Variants in LDB2 observed in about 807,000 individuals in gnomAD.
The protein encoded by LDB2 is LIM domain binding 2.
In LDB2, 12 loss-of-function variants were observed where a neutral mutation model predicts 44.3. The observed-to-expected ratio is 0.27, with a 90% confidence interval of 0.17 to 0.44. LDB2 has a LOEUF of 0.44. Ranked by LOEUF, LDB2 falls within the 20% of genes least tolerant of loss-of-function variation. The pLI is 1.00. For missense variants in LDB2, 344 were observed against 473.5 expected, an observed-to-expected ratio of 0.73 and a Z score of 2.54; for synonymous variants, 164 against 174.8, an observed-to-expected ratio of 0.94 and a Z score of 0.49.
chr4:16,856,283 A>C (rs1789333297), intron 1 of LDB2, among the ~76,000 whole-genome samples: 1 of 152,194 alleles, frequency 6.6e-6, no homozygotes, highest in Non-Finnish European at 1.5e-5. Flanking sequence ...GGTCAGGGAA[A>C]TGGAAGTTAA....
chr4:16,576,561 C>A (rs1239777573), intron 5 of LDB2, among the ~76,000 whole-genome samples: 8 of 152,084 alleles, frequency 5.3e-5, no homozygotes, highest in Non-Finnish European at 8.8e-5. Context: ...AACACCTCAA[C>A]AATGAGTAAC....
intron 1 of LDB2, among the ~76,000 whole-genome samples, chr4:16,796,809 TCCCCAAAACCCATCAC>T (rs1776829595): frequency 6.6e-6 from 1 of 152,092 alleles, no homozygotes; most frequent in Non-Finnish European, 1.5e-5. Context: ...GTAGTCTTTG[TCCCCAAAACCCATCAC>T]CCCTGTCTAA....
At chr4:16,722,703 A>G (rs1758546733) in intron 2 of LDB2, among the ~76,000 whole-genome samples, 1 of 152,086 alleles carries the variant, frequency 6.6e-6, no homozygotes, top group Non-Finnish European at 1.5e-5. Context: ...CTACGTCAGG[A>G]CCATGGTTTG....
At chr4:16,732,462 T>C (rs951166088) in intron 2 of LDB2, among the ~76,000 whole-genome samples, 1 of 152,214 alleles carries the variant, frequency 6.6e-6, no homozygotes, top group South Asian at 2.1e-4. Context: ...AATGTATGAT[T>C]ATTAACTTAT....
chr4:16,569,831 C>A (rs930013707), intron 5 of LDB2, among the ~76,000 whole-genome samples: 1 of 152,180 alleles, frequency 6.6e-6, no homozygotes, highest in Admixed American at 6.5e-5. Flanking sequence ...CCATGTTTAG[C>A]TGTCTTATTT....
At chr4:16,753,966 C>A (rs1172121621) in intron 2 of LDB2, among the ~76,000 whole-genome samples, 1 of 152,188 alleles carries the variant, frequency 6.6e-6, no homozygotes, top group Non-Finnish European at 1.5e-5. Context: ...TGCACCATCC[C>A]ATCAAACCCT....
intron 2 of LDB2, among the ~76,000 whole-genome samples, chr4:16,598,439 T>G (rs992817388): frequency 5.3e-5 from 8 of 152,214 alleles, no homozygotes; most frequent in African/African-American, 1.9e-4. Context: ...TGGGAGAAGC[T>G]GTCCAGGAAG....
chr4:16,690,800 T>C (rs1034124373), intron 2 of LDB2, among the ~76,000 whole-genome samples: 1 of 152,122 alleles, frequency 6.6e-6, no homozygotes, highest in Non-Finnish European at 1.5e-5. Flanking sequence ...AGTATTTAAG[T>C]CAAACTGTGG....
intron 1 of LDB2, among the ~76,000 whole-genome samples, chr4:16,785,902 T>C (rs2109526719): frequency 6.6e-6 from 1 of 152,230 alleles, no homozygotes; most frequent in South Asian, 2.1e-4. Flanking sequence ...ACCAGCTTCA[T>C]TTTCCTCCTT....
At chr4:16,803,781 G>A (rs561904991) in intron 1 of LDB2, among the ~76,000 whole-genome samples, 2 of 152,288 alleles carry the variant, frequency 1.3e-5, no homozygotes, top group East Asian at 1.9e-4. Context: ...CTTATTTTAG[G>A]TTTGTTCATA....
chr4:16,807,125 T>C lies in LDB2; in HGVS notation c.133-47865A>G, dbSNP rs368761142. The stretch of plus-strand genomic sequence containing the variant: ...TGGCCCTGTTTCAAGTTATTGCCTC[T>C]GAAAGCCAATCCTAAGATATATGTA... On this transcript the variant is annotated intron_variant, in intron 1 of 7. Coordinates refer to ENST00000304523, the MANE Select transcript of LDB2 (RefSeq NM_001290.5). 1.4e-4 allele frequency among the ~76,000 whole-genome samples: 22 copies of C among 152,332 alleles called. No homozygotes were observed. The South Asian group carries it at 4.4e-3, about 30-fold the overall frequency.
chr4:16,563,871 T>G (rs977510431), intron 5 of LDB2, among the ~76,000 whole-genome samples: 2 of 152,096 alleles, frequency 1.3e-5, no homozygotes, highest in Non-Finnish European at 2.9e-5. Flanking sequence ...TGGCTGTTCT[T>G]TTAGAGGATC....
At chr4:16,673,836 G>A (rs751410641) in intron 2 of LDB2, among the ~76,000 whole-genome samples, 1 of 152,162 alleles carries the variant, frequency 6.6e-6, no homozygotes, top group Non-Finnish European at 1.5e-5. Context: ...GAAAGCATGG[G>A]CTACCCTGCT....
At chr4:16,857,889 A>G (rs1789675804) in intron 1 of LDB2, among the ~76,000 whole-genome samples, 1 of 152,016 alleles carries the variant, frequency 6.6e-6, no homozygotes, top group Non-Finnish European at 1.5e-5. Context: ...TCTTGTGTTC[A>G]TGTTTATTTG....
chr4:16,758,858 G>C (rs112516847), intron 2 of LDB2, among the ~76,000 whole-genome samples: 40 of 152,288 alleles, frequency 2.6e-4, no homozygotes, highest in African/African-American at 9.6e-4. Context: ...GAGGGTGGCA[G>C]AAAGAGATGC....
At chr4:16,545,918 T>G (rs1735580557) in intron 5 of LDB2, among the ~76,000 whole-genome samples, 1 of 152,184 alleles carries the variant, frequency 6.6e-6, no homozygotes, top group Non-Finnish European at 1.5e-5. Context: ...TGATTGCCTC[T>G]GGCACCCGCC....
At chr4:16,862,433 AGACC>A (rs1253608431) in intron 1 of LDB2, among the ~76,000 whole-genome samples, 1 of 151,894 alleles carries the variant, frequency 6.6e-6, no homozygotes, top group African/African-American at 2.4e-5. Context: ...CGGGAGTTCA[AGACC>A]AGCCTGACCA....
chr4:16,822,798 G>A (rs1371955485), intron 1 of LDB2, among the ~76,000 whole-genome samples: 4 of 152,160 alleles, frequency 2.6e-5, no homozygotes, highest in Non-Finnish European at 5.9e-5. Context: ...TTACAGGCAT[G>A]CACCACCGTG....
At position 16,888,779 on chromosome 4, in the gene LDB2, T is replaced by C. The variant is rs1340060577; in HGVS notation, c.132+9575A>G. On this transcript the variant is annotated intron_variant, in intron 1 of 7. Transcript: ENST00000304523. ...GGCACCTATCATATACCAGGCATTATACATGCATTTATTCTTTACTTTGCA... is the reference window on the plus strand; with the variant it reads ...GGCACCTATCATATACCAGGCATTACACATGCATTTATTCTTTACTTTGCA... 6.9e-6 allele frequency: 6 copies of C among 873,510 alleles called. No homozygotes were observed. The African/African-American group carries it at 9.1e-5, about 13-fold the overall frequency. 54.1% of individuals were successfully genotyped at this position (873,510 alleles called of 1,614,324 possible).
Sources: gnomAD v4.1 joint callset for allele counts (sites outside exome capture counted in the v4.1 genomes callset) on GRCh38, gnomAD v4.1.1 for gene constraint, MANE v1.5 for transcripts, NCBI Gene and HGNC (gene_info 2026-07-23, HGNC 2026-07-21) for gene names.